The following DEFB131A variants were observed in gnomAD, a reference collection of about 807,000 sequenced individuals.
DEFB131A encodes beta-defensin 131A.
Under a neutral mutation model 2.4 loss-of-function variants are expected in DEFB131A, and 5 were observed. The observed-to-expected ratio is 2.12, with a 90% confidence interval of 1.11 to 4.47. The LOEUF is 4.47. Among genes scored for constraint, DEFB131A ranks in the 30% most tolerant of loss-of-function variants. DEFB131A has a pLI of 0.00. For synonymous variants in DEFB131A, 34 were observed against 25.7 expected, an observed-to-expected ratio of 1.32 and a Z score of -0.97; for missense variants, 120 against 79.9, an observed-to-expected ratio of 1.50 and a Z score of -1.91.
At chr4:9,449,310 C>T (rs1717590645) in intron 1 of DEFB131A, among the ~76,000 whole-genome samples, 1 of 53,238 alleles carries the variant, frequency 1.9e-5, no homozygotes, top group Admixed American at 2.0e-4. Context: ...CCTAATGGCA[C>T]TCTTGACAGA....
At chr4:9,449,595 A>T (rs1385776306) in intron 1 of DEFB131A, among the ~76,000 whole-genome samples, 1 of 151,902 alleles carries the variant, frequency 6.6e-6, no homozygotes, top group African/African-American at 2.4e-5. Flanking sequence ...TAAAACTTAT[A>T]GAAGAAAACA....
At chr4:9,447,941 T>A (rs1353492035) in intron 1 of DEFB131A, among the ~76,000 whole-genome samples, 2 of 151,982 alleles carry the variant, frequency 1.3e-5, no homozygotes, top group African/African-American at 4.8e-5. Context: ...ACAGAATATT[T>A]AATAAGTGTA....
intron 1 of DEFB131A, among the ~76,000 whole-genome samples, chr4:9,446,822 C>A (rs373425108): frequency 6.6e-6 from 1 of 152,032 alleles, no homozygotes; most frequent in Non-Finnish European, 1.5e-5. Context: ...TTGTTATTTT[C>A]TTCTTTGTTT....
At position 9,450,582 on chromosome 4, in the gene DEFB131A, T is replaced by A. The variant is rs1251257828; in HGVS notation, c.*68T>A. On this transcript the variant is annotated 3_prime_UTR_variant, in exon 2 of 2. Transcript: ENST00000334879. ...TGTCTTAAACTCTCTTATCTATGAA[T>A]AATTAACATGATAGATGAAAATTAT... The A allele has an allele frequency of 6.5e-7, 1 of 1,536,680 alleles. No individual in the cohort carries two copies. Among genetic ancestry groups the A allele is most frequent in the Non-Finnish European group, 8.8e-7 (1 of 1,136,226 alleles).
rs111875746 is a variant in DEFB131A, at chr4:9,448,877, C to G, written c.59-1483C>G. On this transcript the variant is annotated intron_variant, in intron 1 of 1. Transcript: ENST00000334879. ...GAAAAGGAAATAAATGGCATCCAAACAGTTGGGGGGTGGGAATGAGTAAAA... is the reference window on the plus strand; with the variant it reads ...GAAAAGGAAATAAATGGCATCCAAAGAGTTGGGGGGTGGGAATGAGTAAAA... Among the ~76,000 whole-genome samples, 3 of 152,098 alleles carry G rather than the reference C, an allele frequency of 2.0e-5. 1 individual carries two copies. The highest frequency in any genetic ancestry group is 2.9e-5 in the Non-Finnish European group (2 of 68,008).
chr4:9,450,496 C>A lies in DEFB131A; in HGVS notation c.195C>A (p.Asp65Glu), dbSNP rs28373658. 7.7e-3 allele frequency: 12,338 copies of A among 1,608,582 alleles called. 309 individuals are homozygous for A. In the African/African-American group the frequency reaches 0.13, roughly 16 times the overall value. Residue 65 changes from aspartate to glutamate, a missense_variant, in exon 2 of 2, where the codon GAC becomes GAA. Coordinates refer to ENST00000334879, the MANE Select transcript of DEFB131A (RefSeq NM_001040448.3). ...ICCKLKIIEI[D>E]GQKKW ...GCAAACTGAAGATCATTGAAATTGA[C>A]GGACAAAAGAAGTGGTGAAAATTCT...
chr4:9,445,887 T>A (rs899953464), intron 1 of DEFB131A, among the ~76,000 whole-genome samples: 1 of 152,182 alleles, frequency 6.6e-6, no homozygotes, highest in African/African-American at 2.4e-5. Context: ...ATATTCCTAT[T>A]CTGGACATTT....
At chr4:9,446,882 T>C (rs1717517479) in intron 1 of DEFB131A, among the ~76,000 whole-genome samples, 1 of 152,184 alleles carries the variant, frequency 6.6e-6, no homozygotes, top group Admixed American at 6.5e-5. Context: ...ATTTCCATGT[T>C]ATCTGTATCG....
In DEFB131A at chr4:9,447,640, C is replaced by T. The variant is rs60454020; in HGVS notation, c.59-2720C>T. On this transcript the variant is annotated intron_variant, in intron 1 of 1. Transcript: ENST00000334879. ...TGCACATGCATTCCTGGTGTCTCTT[C>T]CTCTTCTAACAAGGACATCAGCCAT... 5.9e-5 allele frequency among the ~76,000 whole-genome samples: 9 copies of T among 151,718 alleles called. No homozygotes were observed. In the East Asian group the frequency reaches 1.2e-3, roughly 20 times the overall value.
At chr4:9,446,260 T>A (rs1003805716) in intron 1 of DEFB131A, among the ~76,000 whole-genome samples, 3 of 152,124 alleles carry the variant, frequency 2.0e-5, no homozygotes, top group African/African-American at 7.2e-5. Context: ...AAATCTCAGG[T>A]ATAAACCACA....
intron 1 of DEFB131A, among the ~76,000 whole-genome samples, chr4:9,446,271 GT>G (rs543156965): frequency 6.6e-6 from 1 of 152,088 alleles, no homozygotes; most frequent in African/African-American, 2.4e-5. Context: ...ATAAACCACA[GT>G]TTAATATGAT....
At chr4:9,450,303 T>C in intron 1 of DEFB131A, 57 bp from the exon 2 acceptor site, 1 of 1,402,724 alleles carries the variant, frequency 7.1e-7, no homozygotes, top group South Asian at 1.9e-5. Context: ...ATTTCAGACA[T>C]TTAACAATAA....
At chr4:9,448,695 C>T (rs906058294) in intron 1 of DEFB131A, among the ~76,000 whole-genome samples, 6 of 152,106 alleles carry the variant, frequency 3.9e-5, no homozygotes, top group East Asian at 1.9e-4. Flanking sequence ...ACCAGTAGTC[C>T]TACCTTACAA....
At chr4:9,446,792 T>G (rs11932094) in intron 1 of DEFB131A, among the ~76,000 whole-genome samples, 25,005 of 151,828 alleles carry the variant, frequency 0.16, 2,191 homozygotes, top group East Asian at 0.29. Flanking sequence ...TGTTTCCATT[T>G]GCATATATTT....
intron 1 of DEFB131A, among the ~76,000 whole-genome samples, 174 bp downstream of exon 1, chr4:9,444,765 G>A (rs1394834333): frequency 9.2e-5 from 14 of 152,228 alleles, no homozygotes; most frequent in Middle Eastern, 6.8e-3. Flanking sequence ...GTTCACTGCA[G>A]TGATTTAACC....
rs1322431261 is a variant in DEFB131A, at chr4:9,444,528, T to G, written c.-6T>G. 6.2e-7 allele frequency: 1 copy of G among 1,611,682 alleles called. No individual in the cohort carries two copies. The highest frequency in any genetic ancestry group is 1.1e-5 in the South Asian group (1 of 90,946). ...ATTCTCTCTAACCTGCTTTACCTAT[T>G]CAACCATGAGGGTCTTGTTTTTTGT... On this transcript the variant is annotated 5_prime_UTR_variant, in exon 1 of 2. In the 5' UTR this introduces an upstream ATG that the reference lacks. Coordinates refer to ENST00000334879, the MANE Select transcript of DEFB131A (RefSeq NM_001040448.3).
intron 1 of DEFB131A, among the ~76,000 whole-genome samples, chr4:9,447,592 G>A (rs1717535038): frequency 6.6e-6 from 1 of 151,800 alleles, no homozygotes; most frequent in Non-Finnish European, 1.5e-5. Context: ...TTCTTGCCAT[G>A]TCCTCTTATG....
intron 1 of DEFB131A, among the ~76,000 whole-genome samples, chr4:9,449,649 C>T (rs1164854547): frequency 1.3e-5 from 2 of 151,822 alleles, no homozygotes; most frequent in African/African-American, 2.4e-5. Context: ...ATTATTTTAA[C>T]TTATAAATTG....
intron 1 of DEFB131A, among the ~76,000 whole-genome samples, chr4:9,448,221 TG>T (rs1717554799): frequency 6.6e-6 from 1 of 151,132 alleles, no homozygotes; most frequent in Non-Finnish European, 1.5e-5. Flanking sequence ...TCTTTATCTA[TG>T]GACAACCAAG....
Sources: allele counts gnomAD v4.1 joint callset (sites outside exome capture counted in the v4.1 genomes callset), GRCh38; gene constraint gnomAD v4.1.1; transcripts MANE v1.5; gene names NCBI Gene and HGNC (gene_info 2026-07-23, HGNC 2026-07-21).